TMCO6: variants seen among roughly 807,000 people sequenced by gnomAD.
TMCO6 encodes the protein transmembrane and coiled-coil domains 6, also known as transmembrane and coiled-coil domain-containing protein 6.
In TMCO6, 47 loss-of-function variants were observed where a neutral mutation model predicts 61.8. The ratio of observed to expected loss-of-function variants is 0.76; its 90% CI spans 0.60 to 0.97. TMCO6 has a LOEUF of 0.97. TMCO6 is among the 50% of genes least tolerant of loss of function. TMCO6 has a pLI of 0.00. For missense variants in TMCO6, 557 were observed against 601.6 expected (o/e 0.93, Z 0.78); for synonymous variants, 261 against 254.2 (o/e 1.03, Z -0.25).
downstream of TMCO6, chr5:140,647,215 T>G: frequency 6.6e-7 from 1 of 1,519,462 alleles, no homozygotes; most frequent in Non-Finnish European, 8.8e-7. Context: ...AAACCCTTGT[T>G]CCCCTACCGG....
chr5:140,607,870 A>T, the TMCO6 span, among the ~76,000 whole-genome samples: 1 of 149,748 alleles, frequency 6.7e-6, no homozygotes, highest in Non-Finnish European at 1.5e-5. Context: ...GTTCACTGCA[A>T]CCTCCGCTTC....
the TMCO6 span, among the ~76,000 whole-genome samples, chr5:140,629,482 A>G: frequency 3.3e-5 from 5 of 152,230 alleles, no homozygotes; most frequent in Non-Finnish European, 5.9e-5. Context: ...AATATTGTAT[A>G]AAGTTATCTT....
chr5:140,607,021 A>G, the TMCO6 span, among the ~76,000 whole-genome samples: 3 of 151,964 alleles, frequency 2.0e-5, no homozygotes, highest in South Asian at 2.1e-4. Flanking sequence ...TAATAATGGA[A>G]AAAACCTTAT....
At position 140,641,861 on chromosome 5, in the gene TMCO6, C is replaced by A. The variant is rs745704101; in HGVS notation, c.315-9C>A. 1.9e-5 allele frequency: 30 copies of A among 1,612,894 alleles called. No individual in the cohort carries two copies. In the Middle Eastern group the frequency reaches 2.6e-3, roughly 142 times the overall value. On this transcript the variant is annotated splice_polypyrimidine_tract_variant and intron_variant, in intron 3 of 11. Transcript: ENST00000394671. The stretch of plus-strand genomic sequence containing the variant: ...AAGCTAAGCAGGGCTCTGGTACTCA[C>A]TCACATAGGCTGGAGGGCAGCATGC...
At chr5:140,630,532 T>C in the TMCO6 span, among the ~76,000 whole-genome samples, 1 of 152,182 alleles carries the variant, frequency 6.6e-6, no homozygotes, top group Non-Finnish European at 1.5e-5. Context: ...TGATTCATCT[T>C]TGTATTTCAG....
At chr5:140,620,520 A>G in the TMCO6 span, among the ~76,000 whole-genome samples, 1 of 152,206 alleles carries the variant, frequency 6.6e-6, no homozygotes, top group African/African-American at 2.4e-5. Flanking sequence ...ACATAAAACT[A>G]TGAACTTTGA....
chr5:140,632,338 G>C, the TMCO6 span: 1 of 1,614,098 alleles, frequency 6.2e-7, no homozygotes, highest in Non-Finnish European at 8.5e-7. The surrounding 1 kb of genome is among the most constrained non-coding windows in gnomAD (Gnocchi z 6.2). Context: ...TGGGGACAGA[G>C]AGCCGCCATC....
rs967225209 is a variant in TMCO6, at chr5:140,644,587, G to A, written c.1215G>A (p.Leu405=). 2 of 1,614,204 alleles carry A rather than the reference G, an allele frequency of 1.2e-6. No individual in the cohort carries two copies. The change falls in exon 11 of 12, where the codon CTG becomes CTA. Residue 405 remains leucine, a synonymous_variant. Transcript: ENST00000394671. ...TCTATCTGCAGGTGCTCACAGTTCTGTGCAATGTTGCAGAAAAGGGTCCTG... is the reference window on the plus strand; with the variant it reads ...TCTATCTGCAGGTGCTCACAGTTCTATGCAATGTTGCAGAAAAGGGTCCTG... The part of the protein sequence containing the change: ...NVVSVMVLTV[L]CNVAEKGPAY...
downstream of TMCO6, chr5:140,647,373 G>A: frequency 6.2e-7 from 1 of 1,611,096 alleles, no homozygotes; most frequent in South Asian, 1.1e-5. Flanking sequence ...CTGCGGGGCC[G>A]GAGAGAGCGC....
the TMCO6 span, among the ~76,000 whole-genome samples, chr5:140,623,324 A>C: frequency 6.6e-6 from 1 of 152,326 alleles, no homozygotes; most frequent in East Asian, 1.9e-4. Context: ...AAAGTAAGAA[A>C]TGATGTAATG....
the TMCO6 span, chr5:140,633,788 T>C: frequency 7.5e-5 from 10 of 133,674 alleles, no homozygotes; most frequent in Admixed American, 8.1e-4. Context: ...TAACTTTCTT[T>C]CTTTTTTTTT....
the TMCO6 span, among the ~76,000 whole-genome samples, chr5:140,622,930 C>T: frequency 6.6e-6 from 1 of 152,068 alleles, no homozygotes; most frequent in Non-Finnish European, 1.5e-5. Context: ...GTTGCCCAGG[C>T]TGGTCTCGAA....
the TMCO6 span, among the ~76,000 whole-genome samples, chr5:140,617,544 TG>T: frequency 9.9e-4 from 150 of 152,068 alleles, no homozygotes; most frequent in Admixed American, 2.4e-3. Context: ...AGTGAGGCTT[TG>T]TCTCAAAAAA....
In TMCO6 at chr5:140,641,697, G is replaced by T. The variant is rs577426736; in HGVS notation, c.231G>T (p.Gly77=). The change falls in exon 3 of 12, where the codon GGG becomes GGT. Residue 77 remains glycine (G), a synonymous_variant. Coordinates refer to ENST00000394671, the MANE Select transcript of TMCO6 (RefSeq NM_018502.5). ...AGTTCCTGCGGCAAGCCCAGCGGGG[G>T]ACAGAGGAAAAGGAGAGAGAGGGGG... The part of the protein sequence containing the change: ...VQQFLRQAQR[G]TEEKEREGAL... 2 of 1,614,166 alleles carry T rather than the reference G, an allele frequency of 1.2e-6. No individual in the cohort carries two copies. Among genetic ancestry groups the T allele is most frequent in the Admixed American group, 3.3e-5 (2 of 60,018 alleles).
chr5:140,639,781 GGCT>G lies in TMCO6; in HGVS notation c.133_135del (p.Leu45del), dbSNP rs1756900548. 2 of 1,608,524 alleles carry G rather than the reference GGCT, an allele frequency of 1.2e-6. No individual in the cohort carries two copies. Among genetic ancestry groups the G allele is most frequent in the Non-Finnish European group, 1.7e-6 (2 of 1,178,088 alleles). Reference sequence around the variant, plus strand: ...AGGGAGCAGCAGCTGGTCAGCAAGAGGCTGCTGAGAAACGACGCCCCAGAGGAA... The same window carrying G: ...AGGGAGCAGCAGCTGGTCAGCAAGAGGCTGAGAAACGACGCCCCAGAGGAA... On this transcript the variant is annotated inframe_deletion, in exon 2 of 12. Coordinates refer to ENST00000394671, the MANE Select transcript of TMCO6 (RefSeq NM_018502.5).
chr5:140,631,851 G>T, the TMCO6 span: 1 of 1,543,656 alleles, frequency 6.5e-7, no homozygotes. Context: ...ATTCTGTCTT[G>T]GATCTTAGGC....
chr5:140,645,050 G>C lies in TMCO6; in HGVS notation c.1434G>C (p.Gln478His). The change falls in exon 12 of 12, where the codon CAG (glutamine) becomes CAC (histidine). Residue 478 changes from glutamine to histidine, a missense_variant. Coordinates refer to ENST00000394671, the MANE Select transcript of TMCO6 (RefSeq NM_018502.5). Reference protein sequence around the residue: ...QALERHQEEAQLQDRVYALQQ... With the variant: ...QALERHQEEAHLQDRVYALQQ... The stretch of plus-strand genomic sequence containing the variant: ...TGGAAAGGCATCAGGAAGAGGCCCA[G>C]CTCCAGGATCGTGTGTATGCTCTCC... 6.2e-7 allele frequency: 1 copy of C among 1,614,222 alleles called. No homozygotes were observed. Among genetic ancestry groups the C allele is most frequent in the Non-Finnish European group, 8.5e-7 (1 of 1,180,036 alleles).
At chr5:140,634,476 G>A (rs1039988167), upstream of TMCO6, among the ~76,000 whole-genome samples, 2 of 143,238 alleles carry the variant, frequency 1.4e-5, no homozygotes, top group Non-Finnish European at 1.5e-5. Flanking sequence ...AGAACTATAT[G>A]AAAGTCTTTT....
chr5:140,633,096 G>T, the TMCO6 span: 1 of 1,614,012 alleles, frequency 6.2e-7, no homozygotes, highest in African/African-American at 1.3e-5. Context: ...CCGAACCTCT[G>T]AGCTCCGGAC....
Sources: allele counts gnomAD v4.1 joint callset (sites outside exome capture counted in the v4.1 genomes callset), GRCh38; gene constraint gnomAD v4.1.1; non-coding constraint Gnocchi (gnomAD v3.1); transcripts MANE v1.5; gene names NCBI Gene and HGNC (gene_info 2026-07-23, HGNC 2026-07-21).